Variants in MYO3B observed in about 807,000 individuals in gnomAD.
The protein encoded by MYO3B is myosin-IIIb.
Under a neutral mutation model 174.6 loss-of-function variants are expected in MYO3B, and 156 were observed. The ratio of observed to expected loss-of-function variants is 0.89; its 90% CI spans 0.78 to 1.02. The LOEUF (loss-of-function observed/expected upper bound fraction) is 1.02, where lower values mean the gene tolerates loss of function less well. Among genes scored for constraint, MYO3B ranks in the 50% least tolerant of loss-of-function variants. MYO3B has a pLI of 0.00. For missense variants in MYO3B, 1,632 were observed against 1,639.4 expected (o/e 1.00, Z 0.08); for synonymous variants, 563 against 569.1 (o/e 0.99, Z 0.15).
intron 32 of MYO3B, among the ~76,000 whole-genome samples, chr2:170,619,556 G>T (rs192426469): frequency 1.8e-4 from 27 of 151,954 alleles, no homozygotes; most frequent in African/African-American, 6.3e-4. Flanking sequence ...CGAGGGTTGG[G>T]GATCCACTTC....
At chr2:170,412,453 T>C (rs1361039137) in intron 22 of MYO3B, 5 of 152,228 alleles carry the variant, frequency 3.3e-5, no homozygotes, top group African/African-American at 9.6e-5. Flanking sequence ...CATTGCCTTC[T>C]TCTGTCTGAA....
chr2:170,634,399 G>A (rs895182499), intron 32 of MYO3B, among the ~76,000 whole-genome samples: 1 of 152,154 alleles, frequency 6.6e-6, no homozygotes, highest in African/African-American at 2.4e-5. Context: ...ATGGTGCTGG[G>A]AAAACTGGCT....
rs754396573 is a variant in MYO3B at position 170,383,151 on chromosome 2, T to C, written c.1147T>C (p.Leu383=). ...YTYVGDILIA[L]NPFQNLSIYS... The stretch of plus-strand genomic sequence containing the variant: ...ATATGTTGGAGACATCTTAATTGCC[T>C]TAAACCCCTTCCAGAATCTAAGCAT... Residue 383 remains leucine (L), a synonymous_variant, in exon 11 of 35, where the codon TTA becomes CTA. Transcript: ENST00000408978. The C allele has an allele frequency of 1.2e-6, 2 of 1,612,862 alleles. No individual in the cohort carries two copies. The highest frequency in any genetic ancestry group is 1.7e-6 in the Non-Finnish European group (2 of 1,179,026).
intron 30 of MYO3B, among the ~76,000 whole-genome samples, chr2:170,528,606 A>G (rs1418623684): frequency 3.3e-5 from 5 of 152,038 alleles, no homozygotes; most frequent in Admixed American, 6.5e-5. Context: ...GAGTTTCACC[A>G]TGTTGGCCAG....
intron 32 of MYO3B, among the ~76,000 whole-genome samples, chr2:170,645,468 CAAAAAAAAA>C (rs55720994): frequency 1.5e-5 from 1 of 66,412 alleles, no homozygotes; most frequent in Non-Finnish European, 3.0e-5. Context: ...GGCTCCGTCT[CAAAAAAAAA>C]AAAAAAAAAA....
intron 7 of MYO3B, among the ~76,000 whole-genome samples, chr2:170,239,173 CAACT>C (rs1383907233): frequency 1.3e-5 from 2 of 152,216 alleles, no homozygotes; most frequent in African/African-American, 4.8e-5. Flanking sequence ...TCAGTGGATT[CAACT>C]GTCTCTCATG....
rs942541759 is a variant in MYO3B at position 170,572,930 on chromosome 2, CT to C, written c.3733+28944del. ...CTAGTTATTCCTTAGTCTCTTATCC[CT>C]TCAGTAATTCATTGTATAAACTCTA... On this transcript the variant is annotated intron_variant, in intron 32 of 34. Coordinates refer to ENST00000408978, the MANE Select transcript of MYO3B (RefSeq NM_138995.5). 2.4e-4 allele frequency among the ~76,000 whole-genome samples: 37 copies of C among 151,994 alleles called. 1 individual carries two copies. The highest frequency in any genetic ancestry group is 8.9e-4 in the African/African-American group (37 of 41,460).
chr2:170,592,702 T>A (rs1693890759), intron 32 of MYO3B, among the ~76,000 whole-genome samples: 1 of 152,138 alleles, frequency 6.6e-6, no homozygotes. Context: ...TACATTCTCT[T>A]TAGTGAAGTA....
chr2:170,359,664 G>A (rs528475274), intron 8 of MYO3B, among the ~76,000 whole-genome samples: 3 of 152,092 alleles, frequency 2.0e-5, no homozygotes, highest in Non-Finnish European at 4.4e-5. Context: ...TGTACCCTCC[G>A]CTTGGAATGC....
intron 30 of MYO3B, among the ~76,000 whole-genome samples, chr2:170,520,672 A>G (rs1196165319): frequency 1.3e-5 from 2 of 152,148 alleles, no homozygotes; most frequent in Admixed American, 6.5e-5. Context: ...CAAAAGGAGT[A>G]TAGCAGAGCT....
At chr2:170,632,575 A>G (rs1369166891) in intron 32 of MYO3B, among the ~76,000 whole-genome samples, 1 of 152,222 alleles carries the variant, frequency 6.6e-6, no homozygotes, top group Non-Finnish European at 1.5e-5. Flanking sequence ...TAAAAGAACT[A>G]GAGAGGCAAG....
chr2:170,355,731 G>A (rs2105620113), intron 8 of MYO3B, among the ~76,000 whole-genome samples: 1 of 152,152 alleles, frequency 6.6e-6, no homozygotes, highest in South Asian at 2.1e-4. Context: ...ATAGCACATG[G>A]TAGCTTGGCA....
chr2:170,278,203 A>G (rs2093477524), intron 7 of MYO3B, among the ~76,000 whole-genome samples: 1 of 152,162 alleles, frequency 6.6e-6, no homozygotes, highest in Admixed American at 6.6e-5. Context: ...AATTATGTGT[A>G]ATTTTTATCC....
chr2:170,554,907 G>C (rs972007048), intron 32 of MYO3B, among the ~76,000 whole-genome samples: 1 of 152,128 alleles, frequency 6.6e-6, no homozygotes, highest in African/African-American at 2.4e-5. Context: ...TTTCTTATTT[G>C]ATATAATTGA....
In MYO3B at chr2:170,514,950, C is replaced by T; in HGVS notation, c.3400C>T (p.His1134Tyr). The change falls in exon 29 of 35, where the codon CAT becomes TAT. Residue 1134 changes from histidine (H) to tyrosine (Y), a missense_variant. His to Tyr is a moderately conservative substitution (Grantham distance 83). Transcript: ENST00000408978. Reference protein sequence around the residue: ...GDTSNQSSGPHSPVAAGTRGS... With the variant: ...GDTSNQSSGPYSPVAAGTRGS... ...CACTTCAAACCAAAGCAGTGGGCCACATTCCCCCGTCGCAGCAGGTACGAG... is the reference window on the plus strand; with the variant it reads ...CACTTCAAACCAAAGCAGTGGGCCATATTCCCCCGTCGCAGCAGGTACGAG... 1 of 1,613,886 alleles carries T rather than the reference C, an allele frequency of 6.2e-7. No homozygotes were observed. Among genetic ancestry groups the T allele is most frequent in the South Asian group, 1.1e-5 (1 of 91,004 alleles).
chr2:170,299,196 A>G (rs1478808755), intron 7 of MYO3B, among the ~76,000 whole-genome samples: 2 of 152,228 alleles, frequency 1.3e-5, no homozygotes, highest in African/African-American at 4.8e-5. Context: ...ATGAGCTCAC[A>G]GAAGGAGGGA....
chr2:170,311,745 A>G (rs556371877), intron 7 of MYO3B, among the ~76,000 whole-genome samples: 17 of 151,896 alleles, frequency 1.1e-4, no homozygotes, highest in African/African-American at 4.1e-4. Context: ...TTTATTTCTT[A>G]TATTTAGGTT....
intron 7 of MYO3B, among the ~76,000 whole-genome samples, chr2:170,264,527 G>A (rs1380083641): frequency 6.6e-6 from 1 of 152,206 alleles, no homozygotes; most frequent in African/African-American, 2.4e-5. Flanking sequence ...GAGGGACAAA[G>A]AATTTACAGT....
At chr2:170,429,323 G>T (rs1473381520) in intron 22 of MYO3B, among the ~76,000 whole-genome samples, 1 of 152,182 alleles carries the variant, frequency 6.6e-6, no homozygotes, top group Non-Finnish European at 1.5e-5. Context: ...TAACTGGAAT[G>T]AGTCTCCTAG....
Sources: gnomAD v4.1 joint callset for allele counts (sites outside exome capture counted in the v4.1 genomes callset) on GRCh38, gnomAD v4.1.1 for gene constraint, MANE v1.5 for transcripts, NCBI Gene and HGNC (gene_info 2026-07-23, HGNC 2026-07-21) for gene names.